Variants in SLC14A2 observed in about 807,000 individuals in gnomAD.
The protein encoded by SLC14A2 is solute carrier family 14 member 2.
In SLC14A2, 91 loss-of-function variants were observed where a neutral mutation model predicts 104.6. That is an observed-to-expected ratio of 0.87 (90% CI 0.73 to 1.04). The LOEUF is 1.04. Among genes scored for constraint, SLC14A2 ranks in the 50% least tolerant of loss-of-function variants. SLC14A2 has a pLI of 0.00. For synonymous variants in SLC14A2, 476 were observed against 466.4 expected, an observed-to-expected ratio of 1.02 and a Z score of -0.27; for missense variants, 1,189 against 1,156.0, an observed-to-expected ratio of 1.03 and a Z score of -0.41.
chr18:45,648,481 A>C (rs148184846), intron 10 of SLC14A2, among the ~76,000 whole-genome samples: 1 of 152,306 alleles, frequency 6.6e-6, no homozygotes, highest in East Asian at 1.9e-4. Flanking sequence ...CTGGGATTAC[A>C]GGCATGAGCC....
At chr18:45,421,716 A>T (rs2086351810) in intron 1 of SLC14A2, among the ~76,000 whole-genome samples, 1 of 152,092 alleles carries the variant, frequency 6.6e-6, no homozygotes, top group Non-Finnish European at 1.5e-5. Flanking sequence ...GTGAACCCAC[A>T]ATGCTCTCCT....
intron 2 of SLC14A2, among the ~76,000 whole-genome samples, chr18:45,527,607 G>A (rs2043612887): frequency 6.6e-6 from 1 of 152,184 alleles, no homozygotes; most frequent in African/African-American, 2.4e-5. Context: ...TGGGAAGGAT[G>A]TGGCATTTGG....
chr18:45,438,134 A>G (rs2144571804), intron 1 of SLC14A2: 1 of 152,326 alleles, frequency 6.6e-6, no homozygotes, highest in East Asian at 1.9e-4. Flanking sequence ...TAAGTATACA[A>G]TGTAGTAAGT....
chr18:45,667,872 G>T lies in SLC14A2; in HGVS notation c.1757G>T (p.Arg586Leu). 1.2e-6 allele frequency: 2 copies of T among 1,614,098 alleles called. No individual in the cohort carries two copies. Among genetic ancestry groups the T allele is most frequent in the Non-Finnish European group, 1.7e-6 (2 of 1,179,994 alleles). The change falls in exon 14 of 20, where the codon CGA (arginine) becomes CTA (leucine). Residue 586 changes from arginine to leucine, a missense_variant. Transcript: ENST00000255226. ...PVFQFFDWVLRGTSQVMFVNN... is the reference protein window; with the variant it reads ...PVFQFFDWVLLGTSQVMFVNN... Reference sequence around the variant, plus strand: ...TTCCAGTTCTTTGACTGGGTCCTCCGAGGCACATCTCAAGTGATGTTTGTG... The same window carrying T: ...TTCCAGTTCTTTGACTGGGTCCTCCTAGGCACATCTCAAGTGATGTTTGTG...
intron 1 of SLC14A2, among the ~76,000 whole-genome samples, chr18:45,419,606 T>C (rs2086318245): frequency 6.6e-6 from 1 of 152,282 alleles, no homozygotes; most frequent in Non-Finnish European, 1.5e-5. Context: ...AAACCCCACC[T>C]GTACTAAAAA....
chr18:45,537,631 C>G (rs560554049), intron 2 of SLC14A2, among the ~76,000 whole-genome samples: 14 of 152,254 alleles, frequency 9.2e-5, no homozygotes, highest in South Asian at 2.1e-4. Context: ...AATGAGGAAG[C>G]CATTGGTGAA....
intron 1 of SLC14A2, among the ~76,000 whole-genome samples, chr18:45,412,319 G>A (rs1470402408): frequency 1.3e-5 from 2 of 152,146 alleles, no homozygotes; most frequent in African/African-American, 2.4e-5. Context: ...TTTGTTCACC[G>A]TGCTTTTCAT....
chr18:45,448,165 T>A (rs888435), intron 1 of SLC14A2, among the ~76,000 whole-genome samples: 1 of 152,068 alleles, frequency 6.6e-6, no homozygotes, highest in Admixed American at 6.6e-5. Context: ...TTATTTTTGT[T>A]GATTTGTATA....
the SLC14A2 span, among the ~76,000 whole-genome samples, chr18:45,199,465 T>G: frequency 6.6e-6 from 1 of 152,258 alleles, no homozygotes. Context: ...GTTCAGTTCT[T>G]TTTTCATTTT....
At chr18:45,496,125 T>C (rs1003845192) in intron 2 of SLC14A2, among the ~76,000 whole-genome samples, 2 of 152,178 alleles carry the variant, frequency 1.3e-5, no homozygotes, top group Admixed American at 1.3e-4. Flanking sequence ...GGCAACTTGA[T>C]CCCTAATAGT....
At chr18:45,620,266 GCAGT>G (rs2045143214) in intron 1 of SLC14A2, among the ~76,000 whole-genome samples, 1 of 152,212 alleles carries the variant, frequency 6.6e-6, no homozygotes, top group African/African-American at 2.4e-5. Flanking sequence ...GCCCAGCCAG[GCAGT>G]CAGAGTAATG....
chr18:45,217,388 A>G (rs962131748), intron 1 of SLC14A2, among the ~76,000 whole-genome samples: 1 of 151,646 alleles, frequency 6.6e-6, no homozygotes, highest in Non-Finnish European at 1.5e-5. Flanking sequence ...TACAACATCT[A>G]CCAAAAAGAA....
intron 2 of SLC14A2, among the ~76,000 whole-genome samples, chr18:45,498,053 G>T (rs912885910): frequency 6.6e-6 from 1 of 152,110 alleles, no homozygotes; most frequent in African/African-American, 2.4e-5. Flanking sequence ...TAAAATAAGA[G>T]GAAGATTCTG....
At chr18:45,366,798 G>A (rs1285743369) in intron 1 of SLC14A2, among the ~76,000 whole-genome samples, 4 of 152,224 alleles carry the variant, frequency 2.6e-5, no homozygotes, top group Non-Finnish European at 5.9e-5. Context: ...TGATACAAAA[G>A]CATTCAGGCT....
intron 2 of SLC14A2, among the ~76,000 whole-genome samples, chr18:45,488,222 T>C (rs554067905): frequency 6.6e-6 from 1 of 152,236 alleles, no homozygotes; most frequent in East Asian, 1.9e-4. Flanking sequence ...AACGTGAGCA[T>C]GGCAGAATGA....
At chr18:45,322,493 A>G (rs915650943) in intron 1 of SLC14A2, among the ~76,000 whole-genome samples, 27 of 152,342 alleles carry the variant, frequency 1.8e-4, no homozygotes, top group African/African-American at 6.5e-4. Flanking sequence ...GACATGTGGA[A>G]TTTCCCATCA....
At chr18:45,681,049 T>TACTGC (rs1568008511) in intron 19 of SLC14A2, among the ~76,000 whole-genome samples, 1 of 578 alleles carries the variant, frequency 1.7e-3, no homozygotes, top group African/African-American at 1.8e-3. Context: ...CTGAGGTTTT[T>TACTGC]TTTTTTTTTT....
intron 1 of SLC14A2, among the ~76,000 whole-genome samples, chr18:45,333,951 T>G (rs1328870659): frequency 3.3e-5 from 5 of 152,218 alleles, no homozygotes; most frequent in African/African-American, 1.2e-4. Context: ...GAACTATATA[T>G]AGTTTACTGT....
intron 1 of SLC14A2, among the ~76,000 whole-genome samples, chr18:45,480,145 A>T (rs937723843): frequency 1.3e-5 from 2 of 152,186 alleles, no homozygotes; most frequent in Non-Finnish European, 2.9e-5. Context: ...TATGCCTTCC[A>T]CATGAAGATA....
Sources: allele counts gnomAD v4.1 joint callset (sites outside exome capture counted in the v4.1 genomes callset), GRCh38; gene constraint gnomAD v4.1.1; transcripts MANE v1.5; gene names NCBI Gene and HGNC (gene_info 2026-07-23, HGNC 2026-07-21).